Variants in OPHN1 observed in about 807,000 individuals in gnomAD.
OPHN1 encodes oligophrenin 1.
Under a neutral mutation model 60.7 loss-of-function variants are expected in OPHN1, and 11 were observed. That is an observed-to-expected ratio of 0.18 (90% CI 0.11 to 0.30). The LOEUF (loss-of-function observed/expected upper bound fraction) is 0.30. Ranked by LOEUF, OPHN1 falls within the 10% of genes least tolerant of loss-of-function variation. OPHN1 has a pLI of 1.00. For missense variants in OPHN1, 449 were observed against 611.0 expected (o/e 0.73, Z 2.80); for synonymous variants, 226 against 222.6 (o/e 1.02, Z -0.14).
intron 5 of OPHN1, among the ~76,000 whole-genome samples, chrX:68,264,527 T>C (rs192533278): frequency 6.3e-5 from 7 of 111,957 alleles, no homozygotes; most frequent in Admixed American, 9.4e-5. Flanking sequence ...CACTGGCCAT[T>C]AGAGAAATGC....
At chrX:68,090,104 G>A (rs1431218082) in intron 19 of OPHN1, among the ~76,000 whole-genome samples, 4 of 111,335 alleles carry the variant, frequency 3.6e-5, no homozygotes, top group Non-Finnish European at 7.5e-5. Context: ...TACATGTACA[G>A]ATAATAAAAA....
intron 15 of OPHN1, among the ~76,000 whole-genome samples, chrX:68,154,360 G>T (rs1409035674): frequency 2.7e-5 from 3 of 112,487 alleles, no homozygotes; most frequent in Admixed American, 9.4e-5. Flanking sequence ...GCATGGTGTT[G>T]CCACCAAAAC....
intron 15 of OPHN1, 21 bp downstream of exon 15, chrX:68,192,898 T>G (rs1212507228): frequency 1.7e-6 from 2 of 1,156,751 alleles, no homozygotes; most frequent in African/African-American, 3.5e-5. Context: ...CCAATAAGAA[T>G]TATCAAAGTA....
At chrX:68,158,111 A>T (rs2077318191) in intron 15 of OPHN1, among the ~76,000 whole-genome samples, 1 of 111,806 alleles carries the variant, frequency 8.9e-6, no homozygotes, top group Non-Finnish European at 1.9e-5. Flanking sequence ...CCTGCCAAAG[A>T]GGTGCTATTT....
intron 15 of OPHN1, among the ~76,000 whole-genome samples, chrX:68,128,045 T>TA (rs2077178692): frequency 9.1e-6 from 1 of 110,222 alleles, no homozygotes; most frequent in Admixed American, 9.7e-5. Flanking sequence ...CAAGAGAAAT[T>TA]ACTGATACTT....
chrX:68,166,337 C>T (rs1384914840), intron 15 of OPHN1, among the ~76,000 whole-genome samples: 1 of 110,734 alleles, frequency 9.0e-6, no homozygotes, highest in East Asian at 2.9e-4. Context: ...AGTTCAAGAC[C>T]ATCTTGGCCA....
At chrX:68,431,038 T>C (rs992674684) in intron 2 of OPHN1, among the ~76,000 whole-genome samples, 2 of 111,267 alleles carry the variant, frequency 1.8e-5, no homozygotes, top group African/African-American at 6.5e-5. Flanking sequence ...GGGCTTATGA[T>C]GAGATTCGTT....
chrX:68,155,944 A>G (rs963890185), intron 15 of OPHN1, among the ~76,000 whole-genome samples: 2 of 112,089 alleles, frequency 1.8e-5, no homozygotes, highest in African/African-American at 3.2e-5. Context: ...ATTTCAACTG[A>G]TAAGATAAAG....
intron 15 of OPHN1, among the ~76,000 whole-genome samples, chrX:68,168,154 T>G (rs2077369040): frequency 9.0e-6 from 1 of 110,815 alleles, no homozygotes; most frequent in Non-Finnish European, 1.9e-5. Context: ...CAAACGGACC[T>G]AATAGACATC....
intron 6 of OPHN1, among the ~76,000 whole-genome samples, chrX:68,232,560 C>T (rs915885974): frequency 1.8e-5 from 2 of 111,610 alleles, no homozygotes; most frequent in Non-Finnish European, 3.8e-5. Context: ...CCCAGCACAA[C>T]CAAAATTCAA....
At chrX:68,152,898 A>G (rs1290730652) in intron 15 of OPHN1, among the ~76,000 whole-genome samples, 2 of 111,053 alleles carry the variant, frequency 1.8e-5, no homozygotes, top group Non-Finnish European at 3.8e-5. Flanking sequence ...AGCTGTTAAC[A>G]GAATGTTGTA....
chrX:68,224,937 G>A (rs1751639431), intron 6 of OPHN1, among the ~76,000 whole-genome samples: 1 of 112,055 alleles, frequency 8.9e-6, no homozygotes, highest in Non-Finnish European at 1.9e-5. Context: ...GCCTCACCCT[G>A]GAAGCGCAAG....
At chrX:68,335,678 C>G (rs1173543525) in intron 2 of OPHN1, among the ~76,000 whole-genome samples, 1 of 111,797 alleles carries the variant, frequency 8.9e-6, no homozygotes, top group African/African-American at 3.2e-5. Context: ...CCTGTAAAAT[C>G]AGCACTTTGG....
At chrX:68,205,761 T>C (rs1227279655) in intron 10 of OPHN1, among the ~76,000 whole-genome samples, 1 of 112,125 alleles carries the variant, frequency 8.9e-6, no homozygotes, top group Non-Finnish European at 1.9e-5. Context: ...CTTCATGTAC[T>C]ACTTTCAGTG....
intron 2 of OPHN1, among the ~76,000 whole-genome samples, chrX:68,339,700 T>A (rs2078342085): frequency 8.9e-6 from 1 of 111,736 alleles, no homozygotes; most frequent in African/African-American, 3.3e-5. Context: ...CCTCCCAGGT[T>A]CAAGTGATTC....
chrX:68,286,131 T>C (rs996996294), intron 3 of OPHN1, among the ~76,000 whole-genome samples: 2 of 111,361 alleles, frequency 1.8e-5, no homozygotes, highest in South Asian at 3.8e-4. Context: ...ACATTCTAAA[T>C]AGTGTGGCAA....
At chrX:68,286,997 A>G (rs1198738517) in intron 3 of OPHN1, among the ~76,000 whole-genome samples, 1 of 105,806 alleles carries the variant, frequency 9.5e-6, no homozygotes, top group East Asian at 2.9e-4. Context: ...CCTGGATGAG[A>G]GAGAGAGAAA....
At chrX:68,258,388 ACCCC>A in intron 5 of OPHN1, among the ~76,000 whole-genome samples, 1 of 41,829 alleles carries the variant, frequency 2.4e-5, no homozygotes, top group East Asian at 8.6e-4. Flanking sequence ...TCCTAATGCT[ACCCC>A]TCCCCCCTCC....
At chrX:68,238,488 A>G (rs2077763893) in intron 5 of OPHN1, among the ~76,000 whole-genome samples, 1 of 110,699 alleles carries the variant, frequency 9.0e-6, no homozygotes, top group African/African-American at 3.3e-5. Flanking sequence ...TAGATTAATT[A>G]GAGGAGAATT....
Sources: gnomAD v4.1 joint callset for allele counts (sites outside exome capture counted in the v4.1 genomes callset) on GRCh38, gnomAD v4.1.1 for gene constraint, MANE v1.5 for transcripts, NCBI Gene and HGNC (gene_info 2026-07-23, HGNC 2026-07-21) for gene names.